The following TNRC6A variants were observed in gnomAD, a reference collection of about 807,000 sequenced individuals.
TNRC6A encodes the protein trinucleotide repeat containing adaptor 6A.
TNRC6A carries 44 observed loss-of-function variants against 221.2 expected under a neutral mutation model. The ratio of observed to expected loss-of-function variants is 0.20; its 90% CI spans 0.16 to 0.26. The LOEUF is 0.26. Among genes scored for constraint, TNRC6A ranks in the 10% least tolerant of loss-of-function variants. The probability of loss-of-function intolerance (pLI) is 1.00; values close to 1 mark genes in which losing one functional copy is unlikely to be tolerated. For synonymous variants in TNRC6A, 847 were observed against 838.5 expected (o/e 1.01, Z -0.18); for missense variants, 2,199 against 2,404.4 (o/e 0.91, Z 1.79).
At chr16:24,709,105 C>T (rs2142288974) in intron 2 of TNRC6A, among the ~76,000 whole-genome samples, 1 of 151,984 alleles carries the variant, frequency 6.6e-6, no homozygotes, top group South Asian at 2.1e-4. Flanking sequence ...AAAAATACAA[C>T]AATTAGCCGG....
chr16:24,678,010 C>A (rs1184105842), intron 2 of TNRC6A, among the ~76,000 whole-genome samples: 2 of 151,846 alleles, frequency 1.3e-5, no homozygotes, highest in African/African-American at 4.8e-5. Flanking sequence ...TGTAACACTT[C>A]TAATAAATAG....
chr16:24,641,123 G>A (rs1219491978), intron 2 of TNRC6A: 3 of 152,324 alleles, frequency 2.0e-5, no homozygotes, highest in Non-Finnish European at 4.4e-5. Context: ...CAAGTTGAAC[G>A]GGGTTGAAAT....
chr16:24,767,871 C>G (rs913355976), intron 4 of TNRC6A, among the ~76,000 whole-genome samples: 2 of 151,974 alleles, frequency 1.3e-5, no homozygotes, highest in Non-Finnish European at 2.9e-5. Flanking sequence ...TATGTTTTTT[C>G]TTATTTTTAA....
chr16:24,707,133 C>T lies in TNRC6A; in HGVS notation n.403-43593C>T, dbSNP rs1460855239. ...TCCTCACCCTCCTGAGTAGCTAGGGCCACAGGTGCATGCCACCACACTTGG... is the reference window on the plus strand; with the variant it reads ...TCCTCACCCTCCTGAGTAGCTAGGGTCACAGGTGCATGCCACCACACTTGG... On this transcript the variant is annotated intron_variant and non_coding_transcript_variant, in intron 2 of 2. Transcript: ENST00000566108. Among the ~76,000 whole-genome samples the T allele has an allele frequency of 2.0e-5, 3 of 151,862 alleles. No individual in the cohort carries two copies. In the East Asian group the frequency reaches 5.8e-4, roughly 29 times the overall value.
At chr16:24,750,500 T>C (rs1011050548) in intron 2 of TNRC6A, among the ~76,000 whole-genome samples, 1 of 152,196 alleles carries the variant, frequency 6.6e-6, no homozygotes, top group Non-Finnish European at 1.5e-5. Flanking sequence ...TGATATGATA[T>C]TGAGATAAAA....
chr16:24,667,712 CTAT>C (rs1181138735), intron 2 of TNRC6A, among the ~76,000 whole-genome samples: 1 of 152,188 alleles, frequency 6.6e-6, no homozygotes, highest in African/African-American at 2.4e-5. Flanking sequence ...CTAATGATAG[CTAT>C]TATTGTTGTC....
chr16:24,673,456 C>A (rs1219479478), intron 2 of TNRC6A, among the ~76,000 whole-genome samples: 1 of 152,192 alleles, frequency 6.6e-6, no homozygotes, highest in East Asian at 1.9e-4. Context: ...TTGCAAGGGG[C>A]CATGTCCCAG....
At chr16:24,639,626 C>G (rs1901828544) in intron 1 of TNRC6A, among the ~76,000 whole-genome samples, 1 of 152,128 alleles carries the variant, frequency 6.6e-6, no homozygotes, top group African/African-American at 2.4e-5. Flanking sequence ...TACTAAATAC[C>G]TGTTGTACCA....
intron 4 of TNRC6A, among the ~76,000 whole-genome samples, chr16:24,774,481 A>G: frequency 6.6e-6 from 1 of 152,172 alleles, no homozygotes; most frequent in East Asian, 1.9e-4. Flanking sequence ...CAGTTTTTGT[A>G]TATAGGTTTT....
intron 1 of TNRC6A, among the ~76,000 whole-genome samples, chr16:24,614,993 A>T (rs777328037): frequency 8.1e-4 from 123 of 152,192 alleles, no homozygotes; most frequent in Non-Finnish European, 1.5e-3. Context: ...TGAACCCAGG[A>T]GGCGGAGGTT....
At chr16:24,796,632 A>G (rs2058224694) in intron 9 of TNRC6A, among the ~76,000 whole-genome samples, 1 of 152,214 alleles carries the variant, frequency 6.6e-6, no homozygotes, top group South Asian at 2.1e-4. Flanking sequence ...CAACTTCAGA[A>G]TCTGCGGAGA....
chr16:24,763,691 A>G (rs1002375490), intron 4 of TNRC6A, among the ~76,000 whole-genome samples: 2 of 152,290 alleles, frequency 1.3e-5, no homozygotes, highest in South Asian at 2.1e-4. Flanking sequence ...GTTTTATGCA[A>G]TGTTATGGTC....
intron 5 of TNRC6A, among the ~76,000 whole-genome samples, chr16:24,782,084 A>AGT (rs777048544): frequency 6.6e-6 from 1 of 152,056 alleles, no homozygotes; most frequent in Non-Finnish European, 1.5e-5. Context: ...GGCCTCCCAA[A>AGT]GTGCTGGGAT....
chr16:24,735,023 G>A (rs2056732274), intron 2 of TNRC6A, among the ~76,000 whole-genome samples: 1 of 152,162 alleles, frequency 6.6e-6, no homozygotes, highest in Admixed American at 6.5e-5. Flanking sequence ...GGCTCACACG[G>A]GTAATCCCAG....
chr16:24,777,201 A>G lies in TNRC6A; in HGVS notation c.432A>G (p.Glu144=). 2.5e-6 allele frequency: 4 copies of G among 1,614,192 alleles called. No individual in the cohort carries two copies. The highest frequency in any genetic ancestry group is 1.3e-5 in the African/African-American group (1 of 75,028). ...REVPPRFRHQ[E]HKQLLKRGQH... Reference sequence around the variant, plus strand: ...TACCTCCACGATTTCGCCACCAGGAACACAAACAGCTTCTAAAGAGGGGTC... The same window carrying G: ...TACCTCCACGATTTCGCCACCAGGAGCACAAACAGCTTCTAAAGAGGGGTC... Residue 144 remains glutamate (E), a synonymous_variant, in exon 5 of 25, where the codon GAA becomes GAG. Coordinates refer to ENST00000395799, the MANE Select transcript of TNRC6A (RefSeq NM_014494.4).
chr16:24,809,793 T>C (rs930476114), intron 18 of TNRC6A, among the ~76,000 whole-genome samples: 3 of 152,210 alleles, frequency 2.0e-5, no homozygotes, highest in African/African-American at 7.2e-5. Context: ...TAACATTTAC[T>C]GGATTTAATT....
intron 15 of TNRC6A, 75 bp downstream of exon 15, chr16:24,805,808 G>T (rs1369998427): frequency 3.2e-6 from 5 of 1,579,836 alleles, no homozygotes; most frequent in Non-Finnish European, 4.3e-6. Context: ...GACTCTGTGC[G>T]GGACATAGTG....
intron 1 of TNRC6A, among the ~76,000 whole-genome samples, chr16:24,610,969 C>T (rs1900026765): frequency 6.6e-6 from 1 of 152,078 alleles, no homozygotes; most frequent in Non-Finnish European, 1.5e-5. Flanking sequence ...CACCGCCACA[C>T]CCGTCTAATT....
chr16:24,817,477 GCTGT>G (rs1346377514), intron 20 of TNRC6A, among the ~76,000 whole-genome samples: 1 of 151,958 alleles, frequency 6.6e-6, no homozygotes, highest in Non-Finnish European at 1.5e-5. Flanking sequence ...AGCGAATTAG[GCTGT>G]CTTTCAGAGA....
Sources: gnomAD v4.1 joint callset for allele counts (sites outside exome capture counted in the v4.1 genomes callset) on GRCh38, gnomAD v4.1.1 for gene constraint, MANE v1.5 for transcripts, NCBI Gene and HGNC (gene_info 2026-07-23, HGNC 2026-07-21) for gene names.